Variants in ABCB5 observed in about 807,000 individuals in gnomAD.
ABCB5 encodes ATP-binding cassette sub-family B member 5.
A neutral mutation model predicts 144.2 loss-of-function variants in ABCB5; 155 were observed. That is an observed-to-expected ratio of 1.08 (90% CI 0.94 to 1.23). ABCB5 has a LOEUF of 1.23. Among genes scored for constraint, ABCB5 ranks in the 50% most tolerant of loss-of-function variants. The pLI is 0.00. For synonymous variants in ABCB5, 610 were observed against 528.6 expected (o/e 1.15, Z -2.11); for missense variants, 1,830 against 1,520.8 (o/e 1.20, Z -3.38).
Position 20,676,167 on chromosome 7 carries a change from T to TACACACACAC in ABCB5, c.1708-5314_1708-5305dup, listed in dbSNP as rs60855145. 9.6e-5 allele frequency among the ~76,000 whole-genome samples: 12 copies of TACACACACAC among 124,600 alleles called. No homozygotes were observed. The South Asian group carries it at 2.6e-3, about 27-fold the overall frequency. The allele number at this position is 124,600 out of a possible 152,430, so 81.7% of individuals were successfully genotyped here. ...TGTGACCCAGCAATTCTACTACACA[T>TACACACACAC]ACACACACACACACACACACACACA... On this transcript the variant is annotated intron_variant, in intron 14 of 27. Coordinates refer to ENST00000404938, the MANE Select transcript of ABCB5 (RefSeq NM_001163941.2).
intron 16 of ABCB5, among the ~76,000 whole-genome samples, chr7:20,696,174 C>T (rs1168851758): frequency 2.0e-5 from 3 of 152,042 alleles, no homozygotes; most frequent in Non-Finnish European, 2.9e-5. Flanking sequence ...AAATTTATAT[C>T]AACAGGTGGA....
At chr7:20,633,575 C>T (rs1334506715) in intron 5 of ABCB5, among the ~76,000 whole-genome samples, 4 of 152,102 alleles carry the variant, frequency 2.6e-5, no homozygotes, top group Admixed American at 2.6e-4. Context: ...GATTAATTAG[C>T]ATATTCATTA....
At chr7:20,669,911 C>G (rs962484657) in intron 14 of ABCB5, among the ~76,000 whole-genome samples, 2 of 152,060 alleles carry the variant, frequency 1.3e-5, no homozygotes, top group African/African-American at 2.4e-5. Context: ...GGGCTGTAGG[C>G]AAGTCCCAGG....
intron 1 of ABCB5, among the ~76,000 whole-genome samples, chr7:20,622,073 T>C (rs1057327774): frequency 2.0e-5 from 3 of 152,102 alleles, no homozygotes; most frequent in Non-Finnish European, 4.4e-5. Context: ...AAGATAAGCT[T>C]GGTAAAGCAC....
At chr7:20,710,447 T>C (rs1041268937) in intron 20 of ABCB5, among the ~76,000 whole-genome samples, 1 of 143,328 alleles carries the variant, frequency 7.0e-6, no homozygotes, top group Non-Finnish European at 1.5e-5. Context: ...TTGAATTGCA[T>C]ACCACTTTTA....
At chr7:20,754,494 A>G (rs1307808901) in intron 27 of ABCB5, among the ~76,000 whole-genome samples, 1 of 152,206 alleles carries the variant, frequency 6.6e-6, no homozygotes, top group Non-Finnish European at 1.5e-5. Context: ...AAAGAATTTA[A>G]ATGAGATATC....
At chr7:20,643,114 C>T (rs1216404398) in intron 5 of ABCB5, 70 bp from the exon 6 acceptor site, 4 of 1,341,344 alleles carry the variant, frequency 3.0e-6, no homozygotes, top group Admixed American at 2.4e-5. Flanking sequence ...ATACTGTGAT[C>T]GATTTTTTAT....
chr7:20,686,563 A>G (rs1224755119), intron 16 of ABCB5, among the ~76,000 whole-genome samples: 1 of 151,452 alleles, frequency 6.6e-6, no homozygotes, highest in Admixed American at 6.6e-5. Context: ...TCTCACCTTA[A>G]CCCATGCTTC....
chr7:20,731,976 C>G (rs748753504), intron 23 of ABCB5, among the ~76,000 whole-genome samples: 1 of 152,172 alleles, frequency 6.6e-6, no homozygotes, highest in Non-Finnish European at 1.5e-5. Context: ...TCCAATAGCA[C>G]CAGTTTATTA....
rs190460902 is a variant in ABCB5, at chr7:20,643,270, G to A, written c.401G>A (p.Arg134Gln). The A allele has an allele frequency of 2.1e-4, 339 of 1,613,814 alleles. No individual in the cohort carries two copies. Among genetic ancestry groups the A allele is most frequent in the Non-Finnish European group, 2.8e-4 (325 of 1,179,816 alleles). ...QISLWIITAA[R>Q]QTKRIRKQFF... Reference sequence around the variant, plus strand: ...TCCTTGTGGATTATAACTGCAGCACGACAGACCAAGAGGATTCGAAAACAG... The same window carrying A: ...TCCTTGTGGATTATAACTGCAGCACAACAGACCAAGAGGATTCGAAAACAG... Residue 134 changes from arginine to glutamine, a missense_variant, in exon 6 of 28, where the codon CGA (arginine) becomes CAA (glutamine). Transcript: ENST00000404938.
chr7:20,643,153 T>G, intron 5 of ABCB5, 31 bp from the exon 6 acceptor site: 1 of 1,550,528 alleles, frequency 6.4e-7, no homozygotes, highest in Non-Finnish European at 8.8e-7. Context: ...ATGTTGTGCT[T>G]CAGTCTCACA....
intron 14 of ABCB5, among the ~76,000 whole-genome samples, chr7:20,680,970 TTTTCTTTCTTTCTTTCTTTCTTTCTTTC>T (rs1244502074): frequency 7.6e-5 from 10 of 131,154 alleles, no homozygotes; most frequent in East Asian, 6.5e-4. Flanking sequence ...CCTCCTTTCT[TTTTCTTTCTTTCTTTCTTTCTTTCTTTC>T]TTTCTTTCTT....
chr7:20,714,725 G>A (rs893728094), intron 20 of ABCB5, among the ~76,000 whole-genome samples: 2 of 152,092 alleles, frequency 1.3e-5, no homozygotes, highest in Admixed American at 6.6e-5. Flanking sequence ...CACAAGAATG[G>A]AAAACCCAAG....
chr7:20,668,164 C>T (rs1487891357), intron 14 of ABCB5, among the ~76,000 whole-genome samples: 1 of 141,726 alleles, frequency 7.1e-6, no homozygotes, highest in African/African-American at 2.7e-5. Flanking sequence ...AAGTGAGGAG[C>T]GTCTCTGCCT....
At chr7:20,630,455 G>A (rs1041262957) in intron 4 of ABCB5, among the ~76,000 whole-genome samples, 2 of 151,664 alleles carry the variant, frequency 1.3e-5, no homozygotes, top group African/African-American at 4.8e-5. Context: ...TTTTACGTGT[G>A]CTAATCTTGA....
Position 20,681,634 on chromosome 7 carries a change from C to A in ABCB5, c.1837C>A (p.Arg613=), listed in dbSNP as rs750847169. The A allele has an allele frequency of 6.2e-7, 1 of 1,614,024 alleles. No homozygotes were observed. The highest frequency in any genetic ancestry group is 1.1e-5 in the South Asian group (1 of 91,080). The change falls in exon 15 of 28, where the codon CGA becomes AGA. Residue 613 remains arginine, a synonymous_variant. Coordinates refer to ENST00000404938, the MANE Select transcript of ABCB5 (RefSeq NM_001163941.2). ...AGCACATGCTGAACTAATGGCAAAACGAGGTCTATATTATTCACTTGTGAT... is the reference window on the plus strand; with the variant it reads ...AGCACATGCTGAACTAATGGCAAAAAGAGGTCTATATTATTCACTTGTGAT... ...KGAHAELMAK[R]GLYYSLVMSQ...
At chr7:20,685,024 T>C (rs879464550) in intron 15 of ABCB5, among the ~76,000 whole-genome samples, 1 of 152,134 alleles carries the variant, frequency 6.6e-6, no homozygotes, top group Non-Finnish European at 1.5e-5. Flanking sequence ...ACTAAAGTGG[T>C]CTTTTTAGTA....
intron 14 of ABCB5, among the ~76,000 whole-genome samples, chr7:20,668,713 G>A (rs1277043283): frequency 1.4e-5 from 2 of 144,380 alleles, no homozygotes; most frequent in African/African-American, 5.3e-5. Flanking sequence ...CCCCGTCCAG[G>A]AGGGAGGTGG....
rs78940772 is a variant in ABCB5, at chr7:20,626,858, T to G, written c.108+247T>G. ...GTGTTTTAAAAGTGTTTTTGGGGTG[T>G]GTGTGTGTGTGTGTGTGTGTGTGTG... On this transcript the variant is annotated intron_variant, in intron 3 of 27. Transcript: ENST00000404938. Among the ~76,000 whole-genome samples, 123 of 94,342 alleles carry G rather than the reference T, an allele frequency of 1.3e-3. No homozygotes were observed. In the East Asian group the frequency reaches 0.035, roughly 27 times the overall value. The allele number at this position is 94,342 out of a possible 152,430, so 61.9% of individuals were successfully genotyped here.
Sources: gnomAD v4.1 joint callset for allele counts (sites outside exome capture counted in the v4.1 genomes callset) on GRCh38, gnomAD v4.1.1 for gene constraint, MANE v1.5 for transcripts, NCBI Gene and HGNC (gene_info 2026-07-23, HGNC 2026-07-21) for gene names.